The following EPHB1 variants were observed in gnomAD, a reference collection of about 807,000 sequenced individuals.
The protein encoded by EPHB1 is ephrin type-B receptor 1.
A neutral mutation model predicts 94.4 loss-of-function variants in EPHB1; 30 were observed. The observed-to-expected ratio is 0.32, with a 90% CI of 0.24 to 0.43. The LOEUF (loss-of-function observed/expected upper bound fraction) is 0.43, where lower values mean the gene tolerates loss of function less well. EPHB1 is among the 20% of genes least tolerant of loss of function. EPHB1 has a pLI of 1.00. For missense variants in EPHB1, 1,055 were observed against 1,308.3 expected (o/e 0.81, Z 2.99); for synonymous variants, 522 against 489.1 (o/e 1.07, Z -0.89).
intron 12 of EPHB1, among the ~76,000 whole-genome samples, chr3:135,232,872 G>A (rs1034480778): frequency 1.3e-5 from 2 of 152,086 alleles, no homozygotes; most frequent in Non-Finnish European, 2.9e-5. Flanking sequence ...CAAAAGGGGG[G>A]AAAACTCCTT....
chr3:135,108,720 TC>T (rs1002843437), intron 4 of EPHB1, among the ~76,000 whole-genome samples: 1 of 151,980 alleles, frequency 6.6e-6, no homozygotes, highest in African/African-American at 2.4e-5. Flanking sequence ...TTCTTTTCTC[TC>T]CCCCCTTCAC....
At chr3:134,839,943 G>A (rs959949887) in intron 1 of EPHB1, among the ~76,000 whole-genome samples, 3 of 152,180 alleles carry the variant, frequency 2.0e-5, no homozygotes, top group Non-Finnish European at 4.4e-5. Context: ...AGGAGTCCCT[G>A]AGACCCTGGG....
chr3:134,828,652 C>G (rs146830112), intron 1 of EPHB1, among the ~76,000 whole-genome samples: 7 of 152,090 alleles, frequency 4.6e-5, no homozygotes, highest in African/African-American at 1.7e-4. Context: ...TGCAGTTGGC[C>G]GGGAGTGACT....
chr3:134,797,254 C>G (rs1415284356), intron 1 of EPHB1, among the ~76,000 whole-genome samples: 1 of 152,124 alleles, frequency 6.6e-6, no homozygotes, highest in Non-Finnish European at 1.5e-5. Flanking sequence ...AGACTGGAGC[C>G]GTGTGGAGTG....
chr3:134,926,005 G>A, intron 2 of EPHB1, 125 bp downstream of exon 2: 1 of 776,480 alleles, frequency 1.3e-6, no homozygotes, highest in Non-Finnish European at 2.0e-6. Context: ...GAATGGCTGT[G>A]TCCACTGCCC....
At chr3:134,828,590 G>T (rs1040816498) in intron 1 of EPHB1, among the ~76,000 whole-genome samples, 1 of 152,246 alleles carries the variant, frequency 6.6e-6, no homozygotes, top group Non-Finnish European at 1.5e-5. Context: ...TTGGGGCACA[G>T]CTAGAAGTGA....
intron 4 of EPHB1, among the ~76,000 whole-genome samples, chr3:135,129,830 G>A (rs181829196): frequency 1.7e-4 from 26 of 152,308 alleles, no homozygotes; most frequent in Admixed American, 7.2e-4. Context: ...AAAAGAACTT[G>A]TGACAGAGGG....
intron 3 of EPHB1, among the ~76,000 whole-genome samples, chr3:135,015,162 C>A (rs1935753042): frequency 6.6e-6 from 1 of 152,158 alleles, no homozygotes; most frequent in Admixed American, 6.5e-5. Flanking sequence ...TGGAGTCTGA[C>A]TACATCCTTC....
chr3:135,001,392 C>A (rs1935170596), intron 3 of EPHB1, among the ~76,000 whole-genome samples: 1 of 152,120 alleles, frequency 6.6e-6, no homozygotes, highest in Non-Finnish European at 1.5e-5. Context: ...TCGGCTGGTC[C>A]CCTGCCTCCA....
intron 12 of EPHB1, among the ~76,000 whole-genome samples, chr3:135,235,019 C>T (rs1282674364): frequency 6.6e-6 from 1 of 152,206 alleles, no homozygotes. Flanking sequence ...CTCTCCATAC[C>T]TGGAAGGTCT....
chr3:135,141,999 C>T (rs1205280713), intron 5 of EPHB1, among the ~76,000 whole-genome samples: 1 of 152,204 alleles, frequency 6.6e-6, no homozygotes, highest in Non-Finnish European at 1.5e-5. Flanking sequence ...TCCCCAGGGG[C>T]TCCCAGAAGT....
intron 1 of EPHB1, among the ~76,000 whole-genome samples, chr3:134,830,723 T>C (rs1220864772): frequency 1.3e-5 from 2 of 152,174 alleles, no homozygotes; most frequent in African/African-American, 4.8e-5. Context: ...ATGACCGTGT[T>C]CAAGGGTTCC....
chr3:134,946,154 T>A (rs1026136810), intron 2 of EPHB1, among the ~76,000 whole-genome samples: 19 of 152,204 alleles, frequency 1.2e-4, no homozygotes, highest in Non-Finnish European at 2.6e-4. Context: ...ATCTCTTGCC[T>A]GGGCACCCAC....
At chr3:134,879,482 CA>C (rs1177214449) in intron 1 of EPHB1, among the ~76,000 whole-genome samples, 2 of 151,710 alleles carry the variant, frequency 1.3e-5, no homozygotes, top group African/African-American at 4.8e-5. Flanking sequence ...ACTAAAAATA[CA>C]AAAAAATAAA....
chr3:134,983,589 A>T (rs1279388524), intron 3 of EPHB1, among the ~76,000 whole-genome samples: 1 of 152,254 alleles, frequency 6.6e-6, no homozygotes, highest in Non-Finnish European at 1.5e-5. Flanking sequence ...AGCAGGACAG[A>T]GTGCCTGAGA....
At chr3:134,986,789 A>G (rs181087346) in intron 3 of EPHB1, among the ~76,000 whole-genome samples, 26 of 152,008 alleles carry the variant, frequency 1.7e-4, no homozygotes, top group Non-Finnish European at 3.5e-4. Context: ...CTGGTGCATC[A>G]TTCATTAAAG....
chr3:135,212,417 C>T lies in EPHB1; in HGVS notation c.2346+10728C>T, dbSNP rs144227590. Among the ~76,000 whole-genome samples, 383 of 152,248 alleles carry T rather than the reference C, an allele frequency of 2.5e-3. 2 individuals carry two copies. Among genetic ancestry groups the T allele is most frequent in the African/African-American group, 8.6e-3 (357 of 41,552 alleles). On this transcript the variant is annotated intron_variant, in intron 12 of 15. Coordinates refer to ENST00000398015, the MANE Select transcript of EPHB1 (RefSeq NM_004441.5). ...GTTATGATGTGGTGATTGGATTCTG[C>T]TACACTGAACCAGAGTGTTGGTATT... is the stretch of plus-strand genomic sequence containing the variant.
At chr3:135,197,591 A>T (rs982275170) in intron 11 of EPHB1, among the ~76,000 whole-genome samples, 4 of 152,226 alleles carry the variant, frequency 2.6e-5, no homozygotes, top group African/African-American at 9.6e-5. Context: ...CCTGAAGTGG[A>T]TTCGTCAATG....
intron 15 of EPHB1, among the ~76,000 whole-genome samples, chr3:135,255,166 C>T (rs1337126841): frequency 6.6e-6 from 1 of 151,946 alleles, no homozygotes; most frequent in African/African-American, 2.4e-5. Flanking sequence ...AAAACCAGCT[C>T]CTGGATTCAT....
Sources: allele counts gnomAD v4.1 joint callset (sites outside exome capture counted in the v4.1 genomes callset), GRCh38; gene constraint gnomAD v4.1.1; transcripts MANE v1.5; gene names NCBI Gene and HGNC (gene_info 2026-07-23, HGNC 2026-07-21).